The following MCF2L variants were observed in gnomAD, a reference collection of about 807,000 sequenced individuals.
The protein encoded by MCF2L is MCF.2 cell line derived transforming sequence like.
In MCF2L, 97 loss-of-function variants were observed where a neutral mutation model predicts 153.4. That is an observed-to-expected ratio of 0.63 (90% CI 0.54 to 0.75). The LOEUF is 0.75. Among genes scored for constraint, MCF2L ranks in the 30% least tolerant of loss-of-function variants. The pLI is 0.00. For synonymous variants in MCF2L, 659 were observed against 632.2 expected, an observed-to-expected ratio of 1.04 and a Z score of -0.64; for missense variants, 1,347 against 1,495.2, an observed-to-expected ratio of 0.90 and a Z score of 1.64.
At position 113,074,544 on chromosome 13, in the gene MCF2L, G is replaced by T; in HGVS notation, c.1097G>T (p.Ser366Ile). The change falls in exon 10 of 30, where the codon AGC becomes ATC. Residue 366 changes from serine to isoleucine, a missense_variant. By Grantham distance (142) the Ser-to-Ile change is moderately radical. Coordinates refer to ENST00000535094, the MANE Select transcript of MCF2L (RefSeq NM_001112732.3). The surrounding 1 kb of genome is among the most constrained non-coding windows in gnomAD (Gnocchi z 4.2). ...HVEHLLRDLA[S>I]FEEKSGVAVE... ...GAGCACCTGCTGAGGGACCTGGCCA[G>T]CTTCGAGGAGAAATCAGGCGTAAGG... 1 of 1,613,942 alleles carries T rather than the reference G, an allele frequency of 6.2e-7. No individual in the cohort carries two copies. Among genetic ancestry groups the T allele is most frequent in the South Asian group, 1.1e-5 (1 of 91,084 alleles).
At chr13:112,899,124 AG>A in intron 1 of MCF2L, among the ~76,000 whole-genome samples, 1 of 152,236 alleles carries the variant, frequency 6.6e-6, no homozygotes, top group Non-Finnish European at 1.5e-5. Context: ...ACGAGGACCG[AG>A]CAAACGAGTC....
rs1240620909 is a variant in MCF2L at position 112,969,427 on chromosome 13, G to A, written c.48G>A (p.Val16=). The A allele has an allele frequency of 6.4e-7, 1 of 1,550,466 alleles. No homozygotes were observed. Residue 16 remains valine, a synonymous_variant, in exon 1 of 30, where the codon GTG becomes GTA. Coordinates refer to ENST00000535094, the MANE Select transcript of MCF2L (RefSeq NM_001112732.3). This position sits in a 1 kb window ranked among gnomAD's most constrained non-coding sequence, Gnocchi z 4.8. ...RTEEMALEEM[V]QRLNAVSKHT... ...AAGAGATGGCCTTGGAAGAAATGGT[G>A]CAGAGATTAAATGCGGTTTCCAAGC... is the stretch of plus-strand genomic sequence containing the variant.
chr13:113,017,926 C>A (rs1411534190), intron 2 of MCF2L, among the ~76,000 whole-genome samples: 1 of 152,238 alleles, frequency 6.6e-6, no homozygotes, highest in Non-Finnish European at 1.5e-5. Flanking sequence ...CCGAATTTTC[C>A]TTTTCAAGAG....
In MCF2L at chr13:112,960,024, T is replaced by C. The variant is rs1594385615; in HGVS notation, c.170-54739T>C. On this transcript the variant is annotated intron_variant, in intron 2 of 29. Coordinates refer to the MCF2L transcript ENST00000375608. This position sits in a 1 kb window ranked among gnomAD's most constrained non-coding sequence, Gnocchi z 4.2. ...CGCGTCGGGCTGCGGCAGAGGTGCC[T>C]GTGTCACCGAGGTCCCTCGGTAACT... Among the ~76,000 whole-genome samples the C allele has an allele frequency of 6.6e-6, 1 of 152,248 alleles. No homozygotes were observed. The highest frequency in any genetic ancestry group is 6.5e-5 in the Admixed American group (1 of 15,288).
At chr13:113,090,010 C>G in intron 26 of MCF2L, 1 of 1,601,660 alleles carries the variant, frequency 6.2e-7, no homozygotes. Context: ...GACAGCCGGA[C>G]CCGCCTCCGC....
chr13:112,912,937 TTGTG>T (rs1488014734), intron 2 of MCF2L, among the ~76,000 whole-genome samples: 1 of 138,290 alleles, frequency 7.2e-6, no homozygotes, highest in Non-Finnish European at 1.6e-5. Flanking sequence ...GTCTGTATGA[TTGTG>T]TGTGTCTGTG....
chr13:113,076,519 C>T (rs1472817900), intron 12 of MCF2L, among the ~76,000 whole-genome samples: 5 of 152,226 alleles, frequency 3.3e-5, no homozygotes, highest in Admixed American at 3.3e-4. Context: ...CCCAGCTCAA[C>T]CTCCCAAAGT....
intron 2 of MCF2L, among the ~76,000 whole-genome samples, chr13:113,019,871 G>C (rs1161007396): frequency 1.3e-5 from 2 of 152,202 alleles, no homozygotes; most frequent in African/African-American, 4.8e-5. Context: ...GCCGTCACCA[G>C]ACACCAAGTC....
At position 113,064,971 on chromosome 13, in the gene MCF2L, G is replaced by A. The variant is rs757989358; in HGVS notation, c.642G>A (p.Thr214=). Residue 214 remains threonine, a synonymous_variant, in exon 7 of 30, where the codon ACG becomes ACA. Transcript: ENST00000535094. This position sits in a 1 kb window ranked among gnomAD's most constrained non-coding sequence, Gnocchi z 6.0. The stretch of plus-strand genomic sequence containing the variant: ...GTTTCGCCCTCATGGTGAAGCAGAC[G>A]GCTCAGATGCTGCAGTCCTTCGGGA... The part of the protein sequence containing the change: ...IESFALMVKQ[T]AQMLQSFGTE... 93 of 1,613,000 alleles carry A rather than the reference G, an allele frequency of 5.8e-5. No homozygotes were observed. The South Asian group carries it at 7.8e-4, about 14-fold the overall frequency.
At chr13:112,897,619 T>C (rs1351461016) in intron 1 of MCF2L, among the ~76,000 whole-genome samples, 3 of 152,226 alleles carry the variant, frequency 2.0e-5, no homozygotes, top group Non-Finnish European at 2.9e-5. Context: ...TCCATCATGA[T>C]GTAAGGAAAT....
intron 1 of MCF2L, chr13:113,002,129 G>T: frequency 9.7e-7 from 1 of 1,031,810 alleles, no homozygotes; most frequent in South Asian, 1.9e-5. Flanking sequence ...GGGATGCCGG[G>T]GATGGATGTT....
intron 4 of MCF2L, among the ~76,000 whole-genome samples, chr13:113,058,835 GTGTT>G (rs199841486): frequency 1.3e-5 from 2 of 150,998 alleles, no homozygotes; most frequent in South Asian, 2.1e-4. Flanking sequence ...TGGGCGCTGA[GTGTT>G]TGGGTGCTGA....
chr13:112,935,872 T>C (rs1261909093), intron 2 of MCF2L, among the ~76,000 whole-genome samples: 1 of 152,104 alleles, frequency 6.6e-6, no homozygotes, highest in Non-Finnish European at 1.5e-5. Flanking sequence ...CGTGTGATGA[T>C]GGAGGCCAAG....
At chr13:112,966,051 C>T (rs542092468), upstream of MCF2L, 2 of 152,192 alleles carry the variant, frequency 1.3e-5, no homozygotes, top group Admixed American at 6.5e-5. This position sits in a 1 kb window ranked among gnomAD's most constrained non-coding sequence, Gnocchi z 4.1. Context: ...CTGTAAAACG[C>T]GAAAAACAGT....
At chr13:112,990,121 G>C (rs759517849) in intron 1 of MCF2L, among the ~76,000 whole-genome samples, 2 of 152,188 alleles carry the variant, frequency 1.3e-5, no homozygotes, top group Non-Finnish European at 2.9e-5. Flanking sequence ...TGTGCAGCCC[G>C]ACCAGTACCG....
In MCF2L at chr13:113,074,391, C is replaced by T. The variant is rs1169786716; in HGVS notation, c.997-53C>T. On this transcript the variant is annotated intron_variant, in intron 9 of 29. Coordinates refer to ENST00000535094, the MANE Select transcript of MCF2L (RefSeq NM_001112732.3). The surrounding 1 kb of genome is among the most constrained non-coding windows in gnomAD (Gnocchi z 4.2). ...GATCTGGAGCACTGGAGTGGGTTCT[C>T]TCTGTTCAGGTGAGGGAGACACCCC... is the stretch of plus-strand genomic sequence containing the variant. 5.7e-6 allele frequency: 9 copies of T among 1,590,214 alleles called. No homozygotes were observed. The highest frequency in any genetic ancestry group is 3.4e-5 in the Admixed American group (2 of 59,628).
intron 2 of MCF2L, among the ~76,000 whole-genome samples, chr13:112,903,889 C>T (rs2081144179): frequency 6.6e-6 from 1 of 152,210 alleles, no homozygotes; most frequent in Non-Finnish European, 1.5e-5. Flanking sequence ...CAGGACAGTG[C>T]TGCACACAGC....
intron 15 of MCF2L, among the ~76,000 whole-genome samples, chr13:113,080,560 G>T (rs898680998): frequency 6.6e-6 from 1 of 152,218 alleles, no homozygotes; most frequent in Non-Finnish European, 1.5e-5. Context: ...AGCAGGCAGG[G>T]CCGTAGGCTG....
chr13:113,082,878 C>T (rs1403330312), intron 17 of MCF2L, among the ~76,000 whole-genome samples: 1 of 152,182 alleles, frequency 6.6e-6, no homozygotes, highest in Admixed American at 6.5e-5. Flanking sequence ...TCCTGCTGGG[C>T]AGGTGGAAGC....
Sources: gnomAD v4.1 joint callset for allele counts (sites outside exome capture counted in the v4.1 genomes callset) on GRCh38, gnomAD v4.1.1 for gene constraint, Gnocchi (gnomAD v3.1) non-coding constraint, MANE v1.5 for transcripts, NCBI Gene and HGNC (gene_info 2026-07-23, HGNC 2026-07-21) for gene names.